VPS54: variants seen among roughly 807,000 people sequenced by gnomAD.
VPS54 encodes the protein VPS54 subunit of GARP complex.
Under a neutral mutation model 121.5 loss-of-function variants are expected in VPS54, and 45 were observed. The observed-to-expected ratio is 0.37, with a 90% CI of 0.29 to 0.47. VPS54 has a LOEUF of 0.47. Among genes scored for constraint, VPS54 ranks in the 20% least tolerant of loss-of-function variants. The pLI is 0.99. For synonymous variants in VPS54, 371 were observed against 385.8 expected, an observed-to-expected ratio of 0.96 and a Z score of 0.45; for missense variants, 1,090 against 1,131.4, an observed-to-expected ratio of 0.96 and a Z score of 0.52.
At chr2:63,919,201 T>A (rs569839482) in intron 15 of VPS54, among the ~76,000 whole-genome samples, 1 of 152,072 alleles carries the variant, frequency 6.6e-6, no homozygotes, top group East Asian at 1.9e-4. Flanking sequence ...CTCTTCCACA[T>A]GAAAACTCTC....
At chr2:63,947,788 C>T (rs1675051825) in intron 8 of VPS54, among the ~76,000 whole-genome samples, 1 of 152,112 alleles carries the variant, frequency 6.6e-6, no homozygotes, top group African/African-American at 2.4e-5. Context: ...ATCCTTCTCA[C>T]ACCCTGATGA....
intron 1 of VPS54, among the ~76,000 whole-genome samples, chr2:63,984,260 C>T (rs1037544765): frequency 2.6e-5 from 4 of 152,136 alleles, no homozygotes; most frequent in Admixed American, 6.6e-5. Flanking sequence ...ACAAAAAATA[C>T]CAAGGTTGTA....
chr2:63,946,440 C>CA (rs1382393145), intron 9 of VPS54, among the ~76,000 whole-genome samples: 2 of 151,932 alleles, frequency 1.3e-5, no homozygotes, highest in Non-Finnish European at 2.9e-5. Flanking sequence ...GCAAATTTGG[C>CA]ATTACTATAT....
At chr2:63,963,278 C>T (rs1266714428) in intron 6 of VPS54, among the ~76,000 whole-genome samples, 1 of 152,022 alleles carries the variant, frequency 6.6e-6, no homozygotes, top group African/African-American at 2.4e-5. Context: ...TTTTTAGTAG[C>T]ATTACCAAGA....
chr2:63,922,206 A>G (rs1673678414), intron 12 of VPS54, among the ~76,000 whole-genome samples: 1 of 152,188 alleles, frequency 6.6e-6, no homozygotes, highest in Non-Finnish European at 1.5e-5. Flanking sequence ...GGGGAATGTA[A>G]AACTTTCTAT....
intron 1 of VPS54, among the ~76,000 whole-genome samples, chr2:64,013,959 G>A (rs1323976616): frequency 1.3e-5 from 2 of 149,712 alleles, no homozygotes; most frequent in African/African-American, 2.4e-5. Flanking sequence ...TTGGAAGGCC[G>A]AGGCAGGTAG....
intron 5 of VPS54, among the ~76,000 whole-genome samples, chr2:63,967,829 G>C (rs979655555): frequency 3.3e-5 from 5 of 151,842 alleles, no homozygotes; most frequent in Non-Finnish European, 7.4e-5. Context: ...TGGCAAAAGG[G>C]CCAATTATCT....
chr2:63,960,996 G>T (rs1675742908), intron 7 of VPS54, among the ~76,000 whole-genome samples: 2 of 152,120 alleles, frequency 1.3e-5, no homozygotes, highest in Non-Finnish European at 2.9e-5. Flanking sequence ...GTCTGGATTA[G>T]GTTCCACCCC....
At chr2:63,962,489 T>C in intron 6 of VPS54, 46 bp from the exon 7 acceptor site, 1 of 1,520,510 alleles carries the variant, frequency 6.6e-7, no homozygotes. Flanking sequence ...GAGCATACCT[T>C]CCTTGATTAT....
intron 1 of VPS54, among the ~76,000 whole-genome samples, chr2:63,989,211 C>T (rs934841475): frequency 1.3e-5 from 2 of 152,138 alleles, no homozygotes; most frequent in Non-Finnish European, 2.9e-5. Context: ...ACAGCGGGAC[C>T]GGGAACCTCA....
intron 1 of VPS54, among the ~76,000 whole-genome samples, chr2:63,987,809 G>C (rs1234828339): frequency 1.3e-5 from 2 of 151,994 alleles, no homozygotes; most frequent in African/African-American, 2.4e-5. Context: ...TTACTTTCTT[G>C]ATTTCTTTTT....
chr2:63,951,124 A>G (rs1675219926), intron 7 of VPS54, among the ~76,000 whole-genome samples: 1 of 152,126 alleles, frequency 6.6e-6, no homozygotes, highest in South Asian at 2.1e-4. Context: ...TGCATTTTCA[A>G]TAATGGATAA....
At chr2:63,939,271 C>CTGAGA (rs977683137) in intron 11 of VPS54, among the ~76,000 whole-genome samples, 4 of 151,940 alleles carry the variant, frequency 2.6e-5, no homozygotes, top group Non-Finnish European at 5.9e-5. Flanking sequence ...ACTCAGGTGG[C>CTGAGA]TGAGGCAAGA....
chr2:64,002,244 G>A (rs1397660704), intron 1 of VPS54, among the ~76,000 whole-genome samples: 1 of 152,210 alleles, frequency 6.6e-6, no homozygotes, highest in African/African-American at 2.4e-5. Context: ...AGCAATTCAA[G>A]ACTGTCTTTC....
intron 7 of VPS54, among the ~76,000 whole-genome samples, chr2:63,957,009 C>G (rs1175083665): frequency 1.3e-5 from 2 of 152,158 alleles, no homozygotes; most frequent in Non-Finnish European, 2.9e-5. Flanking sequence ...TGTACTACAT[C>G]TGCTTAAGCA....
chr2:64,015,070 T>A (rs1482144647), intron 1 of VPS54, among the ~76,000 whole-genome samples: 1 of 151,876 alleles, frequency 6.6e-6, no homozygotes, highest in Non-Finnish European at 1.5e-5. Context: ...GTGTTATCCA[T>A]AAAGTTAAAC....
At chr2:63,975,066 GAC>G (rs771126252) in intron 3 of VPS54, 39 of 1,541,832 alleles carry the variant, frequency 2.5e-5, no homozygotes, top group Non-Finnish European at 3.3e-5. Context: ...TCTTTTTTGA[GAC>G]AGAGTCTCAC....
intron 13 of VPS54, 142 bp from the exon 14 acceptor site, chr2:63,920,769 T>C (rs138986692): frequency 3.1e-5 from 14 of 447,946 alleles, no homozygotes; most frequent in East Asian, 9.3e-5. Context: ...AAATTGAGCA[T>C]GAAATGCTTA....
intron 1 of VPS54, among the ~76,000 whole-genome samples, chr2:64,004,664 C>T (rs1008784233): frequency 3.9e-5 from 6 of 152,104 alleles, no homozygotes; most frequent in Non-Finnish European, 5.9e-5. Flanking sequence ...TACAGTCTGG[C>T]GAAGTTTATG....
Sources: allele counts gnomAD v4.1 joint callset (sites outside exome capture counted in the v4.1 genomes callset), GRCh38; gene constraint gnomAD v4.1.1; transcripts MANE v1.5; gene names NCBI Gene and HGNC (gene_info 2026-07-23, HGNC 2026-07-21).